MROH2A: variants seen among roughly 807,000 people sequenced by gnomAD.
MROH2A encodes maestro heat like repeat family member 2A.
MROH2A carries 174 observed loss-of-function variants against 200.4 expected under a neutral mutation model. The observed-to-expected ratio is 0.87, with a 90% CI of 0.77 to 0.98. The LOEUF is 0.98. Ranked by LOEUF, MROH2A falls within the 50% of genes least tolerant of loss-of-function variation. The pLI, the probability that MROH2A is intolerant of heterozygous loss-of-function variation, is 0.00. For missense variants in MROH2A, 2,045 were observed against 2,139.6 expected (o/e 0.96, Z 0.87); for synonymous variants, 829 against 840.4 (o/e 0.99, Z 0.23).
chr2:233,822,260 C>CT lies in MROH2A; in HGVS notation c.3650dup (p.Ala1218GlyfsTer21), dbSNP rs1703994425. ...CACCTCCAAGGCTGACATCTGGCGC[C>CT]TGGCTGCGGTGGACCCCCTGATGGT... is the stretch of plus-strand genomic sequence containing the variant. On this transcript the variant is annotated frameshift_variant, in exon 32 of 42. Transcript: ENST00000389758. LOFTEE classifies it high-confidence loss of function. The CT allele has an allele frequency of 6.5e-7, 1 of 1,547,518 alleles. No homozygotes were observed. Among genetic ancestry groups the CT allele is most frequent in the South Asian group, 1.2e-5 (1 of 84,060 alleles).
chr2:233,796,604 A>G (rs1371088717), intron 11 of MROH2A, among the ~76,000 whole-genome samples: 2 of 152,170 alleles, frequency 1.3e-5, no homozygotes, highest in Non-Finnish European at 2.9e-5. Flanking sequence ...ACTACACCAC[A>G]TAGGCATAAC....
rs1409825234 is a variant in MROH2A at position 233,823,622 on chromosome 2, C to T, written c.4071C>T (p.Asp1357=). ...CCGAGCTGGTGCTCAGGGGCATGGACTCAGAAGTCCTGAGCTGCCGCATCA... is the reference window on the plus strand; with the variant it reads ...CCGAGCTGGTGCTCAGGGGCATGGATTCAGAAGTCCTGAGCTGCCGCATCA... ...RLAELVLRGM[D]SEVLSCRISS... is the part of the protein sequence containing the mutation. Residue 1357 remains aspartate (D), a synonymous_variant, in exon 35 of 42, where the codon GAC becomes GAT. Transcript: ENST00000389758. 1 of 1,550,310 alleles carries T rather than the reference C, an allele frequency of 6.5e-7. No homozygotes were observed. The highest frequency in any genetic ancestry group is 8.7e-7 in the Non-Finnish European group (1 of 1,146,982).
Position 233,787,574 on chromosome 2 carries a change from ATAT to A in MROH2A, c.277-1922_277-1920del, listed in dbSNP as rs1414491576. ...TATTATATATACATATATATTATAT[ATAT>A]CATATATACATATATATATTATATA... On this transcript the variant is annotated intron_variant, in intron 3 of 41. Transcript: ENST00000389758. Among the ~76,000 whole-genome samples, 188 of 55,434 alleles carry A rather than the reference ATAT, an allele frequency of 3.4e-3. 34 individuals are homozygous for A. The Admixed American group carries it at 0.037, about 11-fold the overall frequency. 36.4% of individuals were successfully genotyped at this position (55,434 alleles called of 152,430 possible). A position where few individuals can be genotyped will look rare whatever the true frequency, so the allele number is the denominator to read the frequency against.
chr2:233,820,190 TTCCTGTACC>T lies in MROH2A; in HGVS notation c.3512+140_3512+148del. 1.4e-6 allele frequency: 1 copy of T among 731,876 alleles called. No individual in the cohort carries two copies. The highest frequency in any genetic ancestry group is 2.0e-6 in the Non-Finnish European group (1 of 495,326). The allele number at this position is 731,876 out of a possible 1,614,324, so 45.3% of individuals were successfully genotyped here. A position where few individuals can be genotyped will look rare whatever the true frequency, so the allele number is the denominator to read the frequency against. On this transcript the variant is annotated intron_variant, in intron 31 of 41. Coordinates refer to ENST00000389758, the MANE Select transcript of MROH2A (RefSeq NM_001394639.1). The surrounding 1 kb of genome is among the most constrained non-coding windows in gnomAD (Gnocchi z 4.1). ...CACCCTGAAGGAGGTCGAAGCCCTC[TTCCTGTACC>T]TCCTGCAGGAGGTGCCAGCCTCCGA...
At position 233,779,788 on chromosome 2, in the gene MROH2A, A is replaced by G. The variant is rs1366738100; in HGVS notation, c.212A>G (p.Glu71Gly). ...ACCCTGGCCTCGGTGATAATCATGG[A>G]GAAGGCCACCACTGAGCCTTCTGTA... The part of the protein sequence containing the change: ...RKTLASVIIM[E>G]KATTEPSVVI... Residue 71 changes from glutamate to glycine, a missense_variant, in exon 3 of 42, where the codon GAG becomes GGG. By Grantham distance (98) the Glu-to-Gly change is moderately conservative. Transcript: ENST00000389758. The G allele has an allele frequency of 6.4e-7, 1 of 1,550,660 alleles. No individual in the cohort carries two copies. The highest frequency in any genetic ancestry group is 8.7e-7 in the Non-Finnish European group (1 of 1,147,026).
intron 25 of MROH2A, 38 bp from the exon 26 acceptor site, chr2:233,814,544 C>A: frequency 6.7e-7 from 1 of 1,500,356 alleles, no homozygotes; most frequent in Non-Finnish European, 9.1e-7. Context: ...GTGGGTGCCC[C>A]TCATTGCCGC....
intron 3 of MROH2A, among the ~76,000 whole-genome samples, chr2:233,788,489 A>G (rs73999045): frequency 0.015 from 2,265 of 152,018 alleles, 65 homozygotes; most frequent in African/African-American, 0.052. Flanking sequence ...GAACTTACAC[A>G]TTTGGGTGAA....
At chr2:233,822,679 T>A in intron 33 of MROH2A, 123 bp downstream of exon 33, 1 of 1,189,904 alleles carries the variant, frequency 8.4e-7, no homozygotes, top group Non-Finnish European at 1.2e-6. Flanking sequence ...GGATCTGATC[T>A]TACTCAAAAT....
At chr2:233,818,586 C>T in intron 28 of MROH2A, 66 bp from the exon 29 acceptor site, 1 of 1,012,684 alleles carries the variant, frequency 9.9e-7, no homozygotes, top group South Asian at 1.4e-5. Context: ...CAGGAGGTAG[C>T]CACGAAGGGG....
chr2:233,781,134 C>T (rs1575887078), intron 3 of MROH2A, among the ~76,000 whole-genome samples: 1 of 152,126 alleles, frequency 6.6e-6, no homozygotes, highest in Admixed American at 6.5e-5. Context: ...TCCCTTCATA[C>T]ATTGATGGGT....
rs1704004035 is a variant in MROH2A, at chr2:233,822,400, A to G, written c.3710A>G (p.Asp1237Gly). The change falls in exon 33 of 42, where the codon GAT becomes GGT. Residue 1237 changes from aspartate to glycine, a missense_variant. Physicochemically the swap from Asp to Gly is moderately conservative, Grantham distance 94. Coordinates refer to ENST00000389758, the MANE Select transcript of MROH2A (RefSeq NM_001394639.1). The stretch of plus-strand genomic sequence containing the variant: ...ATCCACCTTCTCATTCAGAAGCTGG[A>G]TGAGAATGACAAGCTCCCGGACTTC... ...CTIHLLIQKL[D>G]ENDKLPDFLP... 6.4e-7 allele frequency: 1 copy of G among 1,551,002 alleles called. No individual in the cohort carries two copies. The highest frequency in any genetic ancestry group is 2.0e-5 in the Admixed American group (1 of 50,990).
chr2:233,779,900 C>T (rs1326966834), intron 3 of MROH2A, 48 bp downstream of exon 3: 15 of 1,418,652 alleles, frequency 1.1e-5, no homozygotes, highest in East Asian at 2.5e-5. Context: ...GCTCTGTGTG[C>T]ATCCATCCAC....
intron 5 of MROH2A, among the ~76,000 whole-genome samples, chr2:233,791,739 C>A (rs10207194): frequency 0.4 from 61,419 of 151,866 alleles, 14,134 homozygotes; most frequent in East Asian, 0.67. Context: ...TCAAGGGGTG[C>A]AGGCCCCCGT....
chr2:233,805,028 A>C lies in MROH2A; in HGVS notation c.1969A>C (p.Thr657Pro). The C allele has an allele frequency of 6.5e-7, 1 of 1,550,080 alleles. No individual in the cohort carries two copies. The change falls in exon 19 of 42, where the codon ACC (threonine) becomes CCC (proline). Residue 657 changes from threonine (T) to proline (P), a missense_variant. Physicochemically the swap from Thr to Pro is conservative, Grantham distance 38 (BLOSUM62 -1). Coordinates refer to ENST00000389758, the MANE Select transcript of MROH2A (RefSeq NM_001394639.1). The stretch of plus-strand genomic sequence containing the variant: ...GTTTCTGCGAAACTCCCTCAAGAAG[A>C]CCCGGGGGTCTAGCTGGAGCCTGCG... Reference protein sequence around the residue: ...IQFLRNSLKKTRGSSWSLRLS... With the variant: ...IQFLRNSLKKPRGSSWSLRLS...
chr2:233,832,125 C>T, intron 39 of MROH2A, 52 bp from the exon 40 acceptor site: 1 of 1,410,384 alleles, frequency 7.1e-7, no homozygotes, highest in Non-Finnish European at 9.8e-7. Context: ...AATGACAGCC[C>T]ATTGTCAGGG....
In MROH2A at chr2:233,782,792, A is replaced by G. The variant is rs554813570; in HGVS notation, c.276+2940A>G. ...AAAGTGGGCATTTTTATCTTGTTCC[A>G]GATTTTAGGAACAAGGCTTTCGATT... is the stretch of plus-strand genomic sequence containing the variant. On this transcript the variant is annotated intron_variant, in intron 3 of 41. Transcript: ENST00000389758. Among the ~76,000 whole-genome samples the G allele has an allele frequency of 1.4e-4, 21 of 152,308 alleles. No individual in the cohort carries two copies. The South Asian group carries it at 3.7e-3, about 27-fold the overall frequency.
Position 233,793,663 on chromosome 2 carries a change from C to G in MROH2A, c.671-10C>G. ...TGGCGCCAAGTGCATTCCCCTGTTG[C>G]TGTTGGTAGCCATGGAGACCTTCTG... On this transcript the variant is annotated splice_polypyrimidine_tract_variant and intron_variant, in intron 6 of 41. Transcript: ENST00000389758. 1 of 1,375,960 alleles carries G rather than the reference C, an allele frequency of 7.3e-7. No homozygotes were observed. The highest frequency in any genetic ancestry group is 9.4e-7 in the Non-Finnish European group (1 of 1,058,620). 85.2% of individuals were successfully genotyped at this position (1,375,960 alleles called of 1,614,324 possible). A position where few individuals can be genotyped will look rare whatever the true frequency, so the allele number is the denominator to read the frequency against.
In MROH2A at chr2:233,793,846, A is replaced by C. The variant is rs570895994; in HGVS notation, c.822+22A>C. On this transcript the variant is annotated intron_variant, in intron 7 of 41. Transcript: ENST00000389758. The stretch of plus-strand genomic sequence containing the variant: ...CGAGGTGAGATGCACCCCTCTTAGG[A>C]GGGCCTGGTGGTCCCCAGGCCACAG... 4.2e-5 allele frequency: 58 copies of C among 1,379,012 alleles called. No homozygotes were observed. In the South Asian group the frequency reaches 1.0e-3, roughly 24 times the overall value. The allele number at this position is 1,379,012 out of a possible 1,614,324, so 85.4% of individuals were successfully genotyped here. A position where few individuals can be genotyped will look rare whatever the true frequency, so the allele number is the denominator to read the frequency against.
chr2:233,818,896 C>A, intron 29 of MROH2A, 126 bp downstream of exon 29: 1 of 637,248 alleles, frequency 1.6e-6, no homozygotes, highest in Non-Finnish European at 2.8e-6. Context: ...GCTTCCACGG[C>A]CTTTGGCCCA....
Sources: gnomAD v4.1 joint callset for allele counts (sites outside exome capture counted in the v4.1 genomes callset) on GRCh38, gnomAD v4.1.1 for gene constraint, Gnocchi (gnomAD v3.1) non-coding constraint, MANE v1.5 for transcripts, NCBI Gene and HGNC (gene_info 2026-07-23, HGNC 2026-07-21) for gene names.